Variants in LCA5 observed in about 807,000 individuals in gnomAD.
The protein encoded by LCA5 is lebercilin.
A neutral mutation model predicts 53.0 loss-of-function variants in LCA5; 37 were observed. The observed-to-expected ratio is 0.70, with a 90% CI of 0.54 to 0.92. The LOEUF (loss-of-function observed/expected upper bound fraction) is 0.92, where lower values mean the gene tolerates loss of function less well. Ranked by LOEUF, LCA5 falls within the 40% of genes least tolerant of loss-of-function variation. The pLI is 0.00. For missense variants in LCA5, 806 were observed against 790.5 expected (o/e 1.02, Z -0.23); for synonymous variants, 303 against 282.9 (o/e 1.07, Z -0.71).
chr6:79,497,674 G>T (rs1034247119), intron 3 of LCA5, among the ~76,000 whole-genome samples: 5 of 152,054 alleles, frequency 3.3e-5, no homozygotes, highest in African/African-American at 1.2e-4. Context: ...AGAACAGAAA[G>T]TACTATAAAA....
intron 1 of LCA5, among the ~76,000 whole-genome samples, chr6:79,536,519 A>G (rs1767128062): frequency 6.6e-6 from 1 of 152,234 alleles, no homozygotes; most frequent in Non-Finnish European, 1.5e-5. Flanking sequence ...TAACGTAAAC[A>G]TCACGTATCT....
At chr6:79,518,618 A>G in intron 2 of LCA5, 87 bp downstream of exon 2, 1 of 1,194,866 alleles carries the variant, frequency 8.4e-7, no homozygotes, top group African/African-American at 1.5e-5. Context: ...CATATATACT[A>G]ATAAAAGAGT....
intron 5 of LCA5, among the ~76,000 whole-genome samples, chr6:79,492,204 T>TAA (rs1769863177): frequency 6.6e-6 from 1 of 151,980 alleles, no homozygotes; most frequent in African/African-American, 2.4e-5. Flanking sequence ...ATAAAACTGG[T>TAA]AAAAAGTATA....
rs750992370 is a variant in LCA5, at chr6:79,518,759, C to T, written c.136G>A (p.Val46Ile). ...SSLVSSSPASVRRKNPKRQTS... is the reference protein window; with the variant it reads ...SSLVSSSPASIRRKNPKRQTS... ...TGTCTTTTAGGATTTTTTCTCCTAA[C>T]ACTTGCAGGTGAAGAACTGACCAGC... Residue 46 changes from valine to isoleucine, a missense_variant, in exon 2 of 8, where the codon GTT (valine) becomes ATT (isoleucine). Val to Ile is a conservative substitution (Grantham distance 29). Transcript: ENST00000369846. 2 of 1,613,982 alleles carry T rather than the reference C, an allele frequency of 1.2e-6. No individual in the cohort carries two copies. The highest frequency in any genetic ancestry group is 1.3e-5 in the African/African-American group (1 of 74,914).
At position 79,487,644 on chromosome 6, in the gene LCA5, T is replaced by C; in HGVS notation, c.1454A>G (p.Lys485Arg). 1.4e-5 allele frequency: 22 copies of C among 1,614,006 alleles called. No individual in the cohort carries two copies. The highest frequency in any genetic ancestry group is 1.9e-5 in the Non-Finnish European group (22 of 1,179,916). ...AGGTAACAATGGCAAAACAGGGTATTTTAGATTTCGAGAATCTTGGAGTTC... is the reference window on the plus strand; with the variant it reads ...AGGTAACAATGGCAAAACAGGGTATCTTAGATTTCGAGAATCTTGGAGTTC... ...DRELQDSRNL[K>R]YPVLPLLPDF... The change falls in exon 8 of 8, where the codon AAA becomes AGA. Residue 485 changes from lysine to arginine, a missense_variant. By Grantham distance (26) the Lys-to-Arg change is conservative (BLOSUM62 2). Coordinates refer to ENST00000369846, the MANE Select transcript of LCA5 (RefSeq NM_001122769.3).
Position 79,486,002 on chromosome 6 carries a change from T to C in LCA5, c.*1002A>G, listed in dbSNP as rs930745321. 19 of 152,218 alleles carry C rather than the reference T, an allele frequency of 1.2e-4. No individual in the cohort carries two copies. The highest frequency in any genetic ancestry group is 4.1e-4 in the African/African-American group (17 of 41,462). The allele number at this position is 152,218 out of a possible 1,614,324, so 9.4% of individuals were successfully genotyped here. On this transcript the variant is annotated 3_prime_UTR_variant, in exon 8 of 8. Coordinates refer to ENST00000369846, the MANE Select transcript of LCA5 (RefSeq NM_001122769.3). The stretch of plus-strand genomic sequence containing the variant: ...AAGTCCTATGTCTGAAACACTTCTA[T>C]TCAAAGTTGCTTTAAAACTAATCCT...
chr6:79,504,824 A>G (rs185983390), intron 3 of LCA5, among the ~76,000 whole-genome samples: 19 of 152,338 alleles, frequency 1.2e-4, no homozygotes, highest in African/African-American at 4.1e-4. Flanking sequence ...ATACACATAC[A>G]TATCTATCTA....
At chr6:79,518,616 C>A in intron 2 of LCA5, 89 bp downstream of exon 2, 2 of 1,179,142 alleles carry the variant, frequency 1.7e-6, no homozygotes, top group Admixed American at 1.7e-5. Context: ...AACATATATA[C>A]TAATAAAAGA....
intron 3 of LCA5, among the ~76,000 whole-genome samples, chr6:79,498,573 G>C (rs1770046621): frequency 1.3e-5 from 2 of 152,030 alleles, no homozygotes; most frequent in Admixed American, 6.5e-5. Context: ...CTACTAAAAA[G>C]TGTTGCCACT....
intron 2 of LCA5, among the ~76,000 whole-genome samples, chr6:79,518,351 T>C (rs1467933394): frequency 6.6e-6 from 1 of 152,146 alleles, no homozygotes; most frequent in African/African-American, 2.4e-5. Context: ...CTTTTTCTAC[T>C]TTCAAAAAAT....
chr6:79,534,985 C>T (rs2127692394), intron 1 of LCA5, among the ~76,000 whole-genome samples: 1 of 152,234 alleles, frequency 6.6e-6, no homozygotes, highest in Admixed American at 6.5e-5. Context: ...AAACTTAGTA[C>T]ATAAAACAGA....
chr6:79,513,786 C>T, intron 2 of LCA5, 45 bp from the exon 3 acceptor site: 1 of 1,578,218 alleles, frequency 6.3e-7, no homozygotes, highest in Non-Finnish European at 8.7e-7. Context: ...CTGTACCAAA[C>T]ACAGTGTTAT....
upstream of LCA5, among the ~76,000 whole-genome samples, chr6:79,538,018 GTTTTTT>G (rs869197362): frequency 0.032 from 1,421 of 43,890 alleles, 48 homozygotes; most frequent in East Asian, 0.3. Flanking sequence ...TTGCACACAA[GTTTTTT>G]TTTTTTTTTT....
chr6:79,519,099 A>G lies in LCA5; in HGVS notation c.-191-14T>C, dbSNP rs1451827181. On this transcript the variant is annotated splice_polypyrimidine_tract_variant and intron_variant, in intron 1 of 7. Coordinates refer to ENST00000369846, the MANE Select transcript of LCA5 (RefSeq NM_001122769.3). ...AACTTTTTTGCCCTGAAATTAAGGAAGGGGAAAGGAGACTTATCATACAGT... is the reference window on the plus strand; with the variant it reads ...AACTTTTTTGCCCTGAAATTAAGGAGGGGGAAAGGAGACTTATCATACAGT... 1.6e-6 allele frequency: 1 copy of G among 615,654 alleles called. No homozygotes were observed. Among genetic ancestry groups the G allele is most frequent in the Non-Finnish European group, 2.9e-6 (1 of 348,296 alleles). 38.1% of individuals were successfully genotyped at this position (615,654 alleles called of 1,614,324 possible).
At chr6:79,512,938 G>A (rs1766281497) in intron 3 of LCA5, among the ~76,000 whole-genome samples, 1 of 152,066 alleles carries the variant, frequency 6.6e-6, no homozygotes, top group South Asian at 2.1e-4. Flanking sequence ...GGCTATTAGT[G>A]TCATTTCCAA....
At chr6:79,508,095 G>A (rs1425143298) in intron 3 of LCA5, among the ~76,000 whole-genome samples, 1 of 152,168 alleles carries the variant, frequency 6.6e-6, no homozygotes, top group Non-Finnish European at 1.5e-5. Context: ...TCAACTCTAA[G>A]TAAGGAAGTA....
Position 79,495,784 on chromosome 6 carries a change from T to A in LCA5, c.721-2034A>T, listed in dbSNP as rs562987664. Among the ~76,000 whole-genome samples, 29 of 147,860 alleles carry A rather than the reference T, an allele frequency of 2.0e-4. No homozygotes were observed. In the East Asian group the frequency reaches 6.0e-3, roughly 30 times the overall value. ...AAAAAAAAAAAGTCGGTCCTCCGCATCCAAAGGTTTCACACACTGCAAATA... is the reference window on the plus strand; with the variant it reads ...AAAAAAAAAAAGTCGGTCCTCCGCAACCAAAGGTTTCACACACTGCAAATA... On this transcript the variant is annotated intron_variant, in intron 3 of 7. Coordinates refer to ENST00000369846, the MANE Select transcript of LCA5 (RefSeq NM_001122769.3).
Position 79,518,994 on chromosome 6 carries a change from T to A in LCA5, c.-100A>T. 1 of 1,093,526 alleles carries A rather than the reference T, an allele frequency of 9.1e-7. No homozygotes were observed. The highest frequency in any genetic ancestry group is 2.3e-5 in the East Asian group (1 of 42,576). 67.7% of individuals were successfully genotyped at this position (1,093,526 alleles called of 1,614,324 possible). A position where few individuals can be genotyped will look rare whatever the true frequency, so the allele number is the denominator to read the frequency against. On this transcript the variant is annotated 5_prime_UTR_variant, in exon 2 of 8. Transcript: ENST00000369846. Reference sequence around the variant, plus strand: ...AAACATTTTCACAGTCTTCAGATCCTGATAATATTCATTTCTGTGCAATCT... The same window carrying A: ...AAACATTTTCACAGTCTTCAGATCCAGATAATATTCATTTCTGTGCAATCT...
At chr6:79,515,052 T>C (rs1728072803) in intron 2 of LCA5, among the ~76,000 whole-genome samples, 1 of 152,034 alleles carries the variant, frequency 6.6e-6, no homozygotes. Flanking sequence ...AAAGAAAATG[T>C]ATGTTTTCTC....
Sources: allele counts gnomAD v4.1 joint callset (sites outside exome capture counted in the v4.1 genomes callset), GRCh38; gene constraint gnomAD v4.1.1; transcripts MANE v1.5; gene names NCBI Gene and HGNC (gene_info 2026-07-23, HGNC 2026-07-21).